Variants in ZNF722 observed in about 807,000 individuals in gnomAD.
ZNF722 encodes the protein zinc finger protein 479 pseudogene.
the ZNF722 span, chr7:63,999,022 G>C: frequency 8.1e-5 from 127 of 1,575,018 alleles, no homozygotes; most frequent in Non-Finnish European, 1.1e-4. Flanking sequence ...GTCTGTCATC[G>C]TGAGAGGGGC....
At chr7:64,013,887 G>A in the ZNF722 span, among the ~76,000 whole-genome samples, 1 of 151,466 alleles carries the variant, frequency 6.6e-6, no homozygotes, top group Non-Finnish European at 1.5e-5. Flanking sequence ...TTATTTTGTA[G>A]TACATTTTTG....
chr7:64,016,098 T>G, the ZNF722 span: 1 of 554,022 alleles, frequency 1.8e-6, no homozygotes, highest in South Asian at 2.8e-5. Flanking sequence ...ACAAAGCCTT[T>G]GACCAACCCT....
chr7:64,005,223 C>T, the ZNF722 span, among the ~76,000 whole-genome samples: 6 of 151,918 alleles, frequency 3.9e-5, no homozygotes, highest in African/African-American at 9.7e-5. Context: ...CGATTGAACC[C>T]GGGAGGTGGA....
At chr7:64,006,172 T>C in the ZNF722 span, 1 of 987,068 alleles carries the variant, frequency 1.0e-6, no homozygotes, top group Non-Finnish European at 1.4e-6. Context: ...ACTAGTTTGG[T>C]AATTAAAGAA....
the ZNF722 span, chr7:64,015,191 T>C: frequency 6.6e-5 from 86 of 1,302,690 alleles, no homozygotes; most frequent in East Asian, 2.0e-3. Flanking sequence ...AAGGAGGTTA[T>C]AATGAAGTTA....
At chr7:64,000,134 G>T in the ZNF722 span, among the ~76,000 whole-genome samples, 128 of 110,240 alleles carry the variant, frequency 1.2e-3, no homozygotes, top group South Asian at 9.3e-3. Context: ...TTTTTTTTTT[G>T]TGTGTGTGTG....
the ZNF722 span, among the ~76,000 whole-genome samples, chr7:64,016,545 T>C: frequency 1.3e-5 from 2 of 152,204 alleles, no homozygotes; most frequent in Non-Finnish European, 2.9e-5. Flanking sequence ...GTGGTAACGC[T>C]TTTAACTAGT....
At chr7:64,013,773 A>G in the ZNF722 span, among the ~76,000 whole-genome samples, 2 of 152,108 alleles carry the variant, frequency 1.3e-5, no homozygotes, top group Non-Finnish European at 2.9e-5. Flanking sequence ...TCGTCATATT[A>G]TTTTAAGTGG....
chr7:64,015,970 C>A, the ZNF722 span: 1 of 1,127,676 alleles, frequency 8.9e-7, no homozygotes, highest in Non-Finnish European at 1.3e-6. Context: ...ATAATTTATG[C>A]TGGAAAAAAA....
chr7:64,012,639 T>G, the ZNF722 span, among the ~76,000 whole-genome samples: 1 of 152,182 alleles, frequency 6.6e-6, no homozygotes, highest in Non-Finnish European at 1.5e-5. Flanking sequence ...CTAAGACTTA[T>G]GTGTTCTAAC....
chr7:64,005,777 C>G, the ZNF722 span: 6 of 1,439,994 alleles, frequency 4.2e-6, no homozygotes, highest in Non-Finnish European at 5.7e-6. Flanking sequence ...AATATATTGC[C>G]TTTCTCTCTT....
the ZNF722 span, among the ~76,000 whole-genome samples, chr7:64,008,543 C>T: frequency 6.6e-6 from 1 of 152,172 alleles, no homozygotes; most frequent in South Asian, 2.1e-4. Flanking sequence ...TGTCAAAGAT[C>T]AGATGGTTGT....
the ZNF722 span, among the ~76,000 whole-genome samples, chr7:64,000,722 A>T: frequency 6.8e-6 from 1 of 146,326 alleles, no homozygotes; most frequent in Non-Finnish European, 1.5e-5. Context: ...AAGTGCTGGG[A>T]TTACAGGAAT....
chr7:64,007,813 G>A, the ZNF722 span, among the ~76,000 whole-genome samples: 2 of 152,100 alleles, frequency 1.3e-5, no homozygotes, highest in Non-Finnish European at 2.9e-5. Flanking sequence ...TTGAGGAATC[G>A]CCACACTGTC....
At chr7:64,004,421 A>ATATAT in the ZNF722 span, among the ~76,000 whole-genome samples, 2 of 69,478 alleles carry the variant, frequency 2.9e-5, no homozygotes, top group Admixed American at 1.6e-4. Context: ...AAAAAAAAAA[A>ATATAT]AAAAATATAT....
the ZNF722 span, among the ~76,000 whole-genome samples, chr7:64,002,603 C>T: frequency 6.6e-6 from 1 of 152,162 alleles, no homozygotes; most frequent in Admixed American, 6.5e-5. Flanking sequence ...ATGCTGTGCT[C>T]TTAATCTAAA....
chr7:64,016,965 T>C, the ZNF722 span, among the ~76,000 whole-genome samples: 2 of 152,206 alleles, frequency 1.3e-5, no homozygotes, highest in African/African-American at 4.8e-5. Context: ...AAACTTTTAA[T>C]AAATTCTCAC....
the ZNF722 span, among the ~76,000 whole-genome samples, chr7:64,002,040 G>A: frequency 0.022 from 3,340 of 151,890 alleles, 55 homozygotes; most frequent in Middle Eastern, 0.031. Flanking sequence ...TGTGCTGCAC[G>A]CCCAGCTAAT....
the ZNF722 span, among the ~76,000 whole-genome samples, chr7:64,004,425 A>AAAAAAAAAAT: frequency 1.1e-4 from 7 of 61,116 alleles, no homozygotes; most frequent in Admixed American, 4.7e-4. Context: ...AAAAAAAAAA[A>AAAAAAAAAAT]ATATATATAT....
Sources: gnomAD v4.1 joint callset for allele counts (sites outside exome capture counted in the v4.1 genomes callset) on GRCh38, gnomAD v4.1.1 for gene constraint, MANE v1.5 for transcripts, NCBI Gene and HGNC (gene_info 2026-07-23, HGNC 2026-07-21) for gene names.